Variants in APCDD1L observed in about 807,000 individuals in gnomAD.
The protein encoded by APCDD1L is APC down-regulated 1 like.
A neutral mutation model predicts 24.2 loss-of-function variants in APCDD1L; 21 were observed. The ratio of observed to expected loss-of-function variants is 0.87; its 90% confidence interval spans 0.61 to 1.25. The LOEUF (loss-of-function observed/expected upper bound fraction) is 1.25, where lower values mean the gene tolerates loss of function less well. Ranked by LOEUF, APCDD1L falls within the 50% of genes most tolerant of loss-of-function variation. The pLI is 0.00. For synonymous variants in APCDD1L, 321 were observed against 323.6 expected (o/e 0.99, Z 0.09); for missense variants, 704 against 711.7 (o/e 0.99, Z 0.12).
chr20:58,488,732 G>C (rs1990169573), intron 1 of APCDD1L, among the ~76,000 whole-genome samples: 1 of 152,150 alleles, frequency 6.6e-6, no homozygotes, highest in Non-Finnish European at 1.5e-5. Context: ...TCAATACTTC[G>C]AGGTAAACCT....
In APCDD1L at chr20:58,494,020, A is replaced by T. The variant is rs1990272760; in HGVS notation, c.49+20639T>A. ...TATACTGTATTCTTACAATAAAGTG[A>T]GCTAGAGAAAAGGTTATTGACAAAA... On this transcript the variant is annotated intron_variant, in intron 1 of 3. Transcript: ENST00000371149. This position sits in a 1 kb window ranked among gnomAD's most constrained non-coding sequence, Gnocchi z 4.8. 6.6e-6 allele frequency among the ~76,000 whole-genome samples: 1 copy of T among 152,234 alleles called. No individual in the cohort carries two copies. Among genetic ancestry groups the T allele is most frequent in the African/African-American group, 2.4e-5 (1 of 41,464 alleles).
rs754460116 is a variant in APCDD1L, at chr20:58,467,178, G to T, written c.669C>A (p.Asp223Glu). 1.2e-6 allele frequency: 2 copies of T among 1,606,900 alleles called. No homozygotes were observed. Among genetic ancestry groups the T allele is most frequent in the South Asian group, 1.1e-5 (1 of 91,032 alleles). The change falls in exon 3 of 4, where the codon GAC (aspartate) becomes GAA (glutamate). Residue 223 changes from aspartate (D) to glutamate (E), a missense_variant. Coordinates refer to ENST00000371149, the MANE Select transcript of APCDD1L (RefSeq NM_153360.3). The surrounding 1 kb of genome is among the most constrained non-coding windows in gnomAD (Gnocchi z 5.9). Reference protein sequence around the residue: ...PRLVEELYLGDIHTDPAERRH... With the variant: ...PRLVEELYLGEIHTDPAERRH... ...GCCTCTCCGCCGGGTCGGTGTGGAT[G>T]TCCCCCAGGTACAGCTCCTCCACCA...
chr20:58,514,925 G>T lies in APCDD1L; in HGVS notation c.-218C>A. ...AGCTGCGCACTCATAGGTCCAACTTGCCAGAAGAGGTGGAGACAGCCCCCG... is the reference window on the plus strand; with the variant it reads ...AGCTGCGCACTCATAGGTCCAACTTTCCAGAAGAGGTGGAGACAGCCCCCG... On this transcript the variant is annotated 5_prime_UTR_variant, in exon 1 of 4. Transcript: ENST00000371149. 2.6e-6 allele frequency: 1 copy of T among 377,880 alleles called. No individual in the cohort carries two copies. 23.4% of individuals were successfully genotyped at this position (377,880 alleles called of 1,614,324 possible).
intron 1 of APCDD1L, among the ~76,000 whole-genome samples, chr20:58,477,740 G>A (rs6064656): frequency 5.3e-5 from 8 of 152,180 alleles, no homozygotes; most frequent in African/African-American, 2.4e-5. Context: ...ATTATTATTG[G>A]TGGTGTTTTC....
intron 1 of APCDD1L, among the ~76,000 whole-genome samples, chr20:58,495,925 C>T (rs1457081144): frequency 6.6e-6 from 1 of 151,970 alleles, no homozygotes. Flanking sequence ...GGGTCCCCCT[C>T]TCCAGGCTGG....
In APCDD1L at chr20:58,515,011, C is replaced by T. The variant is rs1182135035; in HGVS notation, c.-304G>A. 2 of 299,256 alleles carry T rather than the reference C, an allele frequency of 6.7e-6. No homozygotes were observed. The highest frequency in any genetic ancestry group is 6.1e-6 in the Non-Finnish European group (1 of 163,424). The allele number at this position is 299,256 out of a possible 1,614,324, so 18.5% of individuals were successfully genotyped here. A position where few individuals can be genotyped will look rare whatever the true frequency, so the allele number is the denominator to read the frequency against. On this transcript the variant is annotated 5_prime_UTR_variant, in exon 1 of 4. Transcript: ENST00000371149. Reference sequence around the variant, plus strand: ...CCTGGTGCAGCTCCTGCCATTCAGACCCCCAGCCCTCCCCCAGATGTCCGT... The same window carrying T: ...CCTGGTGCAGCTCCTGCCATTCAGATCCCCAGCCCTCCCCCAGATGTCCGT...
intron 3 of APCDD1L, among the ~76,000 whole-genome samples, chr20:58,466,766 A>G (rs1989713628): frequency 6.6e-6 from 1 of 152,162 alleles, no homozygotes; most frequent in Non-Finnish European, 1.5e-5. Flanking sequence ...TCAGCCGAGA[A>G]CTAAGGGAGG....
chr20:58,466,959 G>C, intron 3 of APCDD1L, 147 bp downstream of exon 3: 1 of 1,013,482 alleles, frequency 9.9e-7, no homozygotes, highest in Non-Finnish European at 1.4e-6. Flanking sequence ...TGAGGCACGC[G>C]GACCAGAGTG....
chr20:58,487,644 C>T (rs1206158120), intron 1 of APCDD1L, among the ~76,000 whole-genome samples: 5 of 152,002 alleles, frequency 3.3e-5, no homozygotes, highest in African/African-American at 7.3e-5. Flanking sequence ...TTGCCAAATA[C>T]TAAGTAAAAG....
intron 1 of APCDD1L, among the ~76,000 whole-genome samples, chr20:58,509,776 C>A (rs571558835): frequency 6.6e-6 from 1 of 152,336 alleles, no homozygotes; most frequent in Admixed American, 6.5e-5. Flanking sequence ...CTCGCATCAT[C>A]CAGCTAGATT....
chr20:58,502,347 C>T (rs568725705), intron 1 of APCDD1L, among the ~76,000 whole-genome samples: 15 of 152,256 alleles, frequency 9.9e-5, no homozygotes, highest in Middle Eastern at 3.4e-3. Flanking sequence ...GTGATCCACC[C>T]GCCTCGGCCT....
At chr20:58,464,205 C>T (rs539771367) in intron 3 of APCDD1L, among the ~76,000 whole-genome samples, 6 of 152,222 alleles carry the variant, frequency 3.9e-5, no homozygotes, top group South Asian at 4.1e-4. Flanking sequence ...AGACATAATG[C>T]GTTACAGCAA....
At chr20:58,484,682 G>A (rs1990087294) in intron 1 of APCDD1L, among the ~76,000 whole-genome samples, 2 of 152,210 alleles carry the variant, frequency 1.3e-5, no homozygotes, top group Admixed American at 1.3e-4. Context: ...AACTAGAGAT[G>A]ATGCAGGGGC....
chr20:58,501,168 A>G (rs1990429866), intron 1 of APCDD1L, among the ~76,000 whole-genome samples: 1 of 152,200 alleles, frequency 6.6e-6, no homozygotes, highest in African/African-American at 2.4e-5. Context: ...GATGGACCAG[A>G]TAGTCTACAG....
In APCDD1L at chr20:58,508,019, G is replaced by A. The variant is rs1457325722; in HGVS notation, c.49+6640C>T. ...GATGTAAGAAATGAGTGCTCTCCTA[G>A]GTCACCCATGGGGGTGGTGCTGGTA... On this transcript the variant is annotated intron_variant, in intron 1 of 3. Transcript: ENST00000371149. This position sits in a 1 kb window ranked among gnomAD's most constrained non-coding sequence, Gnocchi z 4.0. Among the ~76,000 whole-genome samples, 1 of 152,206 alleles carries A rather than the reference G, an allele frequency of 6.6e-6. No individual in the cohort carries two copies. Among genetic ancestry groups the A allele is most frequent in the Non-Finnish European group, 1.5e-5 (1 of 68,036 alleles).
At chr20:58,482,647 T>C (rs1354352850) in intron 1 of APCDD1L, among the ~76,000 whole-genome samples, 1 of 152,194 alleles carries the variant, frequency 6.6e-6, no homozygotes, top group African/African-American at 2.4e-5. Flanking sequence ...ATGCACGTTT[T>C]TGGTAAAGCT....
At chr20:58,471,592 G>A (rs1040669239) in intron 1 of APCDD1L, among the ~76,000 whole-genome samples, 7 of 152,240 alleles carry the variant, frequency 4.6e-5, no homozygotes, top group South Asian at 4.1e-4. Flanking sequence ...AGTGAAGCCC[G>A]GGAGTGGGAC....
At chr20:58,477,371 A>G (rs991271599) in intron 1 of APCDD1L, among the ~76,000 whole-genome samples, 1 of 152,204 alleles carries the variant, frequency 6.6e-6, no homozygotes, top group Non-Finnish European at 1.5e-5. Flanking sequence ...TTTGAAGAGT[A>G]GTGGCTCTTA....
At chr20:58,511,571 C>T (rs1990627998) in intron 1 of APCDD1L, among the ~76,000 whole-genome samples, 1 of 152,174 alleles carries the variant, frequency 6.6e-6, no homozygotes, top group South Asian at 2.1e-4. Flanking sequence ...AGATTACAGC[C>T]TTGGTCAGAA....
Sources: gnomAD v4.1 joint callset for allele counts (sites outside exome capture counted in the v4.1 genomes callset) on GRCh38, gnomAD v4.1.1 for gene constraint, Gnocchi (gnomAD v3.1) non-coding constraint, MANE v1.5 for transcripts, NCBI Gene and HGNC (gene_info 2026-07-23, HGNC 2026-07-21) for gene names.